Variants in DYRK1A observed in about 807,000 individuals in gnomAD.
DYRK1A encodes the protein dual specificity tyrosine-phosphorylation-regulated kinase 1A.
Under a neutral mutation model 79.7 loss-of-function variants are expected in DYRK1A, and 9 were observed. That is an observed-to-expected ratio of 0.11 (90% confidence interval 0.07 to 0.20). DYRK1A has a LOEUF of 0.20. DYRK1A is among the 10% of genes least tolerant of loss of function. The pLI is 1.00. For missense variants in DYRK1A, 622 were observed against 956.0 expected, an observed-to-expected ratio of 0.65 and a Z score of 4.61; for synonymous variants, 349 against 329.7, an observed-to-expected ratio of 1.06 and a Z score of -0.63.
chr21:37,495,160 G>T (rs1197566222), intron 8 of DYRK1A, among the ~76,000 whole-genome samples: 18 of 55,314 alleles, frequency 3.3e-4, no homozygotes, highest in African/African-American at 1.2e-3. Flanking sequence ...TTTTGTGTGT[G>T]TGTGTGTGTG....
intron 3 of DYRK1A, among the ~76,000 whole-genome samples, 171 bp downstream of exon 3, chr21:37,473,051 T>A (rs1329949392): frequency 6.6e-6 from 1 of 152,154 alleles, no homozygotes; most frequent in South Asian, 2.1e-4. Flanking sequence ...TTTTTTTTAA[T>A]TTTTACTTGT....
chr21:37,521,078 T>G lies in DYRK1A; in HGVS notation c.*8547T>G, dbSNP rs2053931907. 6.6e-6 allele frequency: 1 copy of G among 152,230 alleles called. No homozygotes were observed. The allele number at this position is 152,230 out of a possible 1,614,324, so 9.4% of individuals were successfully genotyped here. A position where few individuals can be genotyped will look rare whatever the true frequency, so the allele number is the denominator to read the frequency against. On this transcript the variant is annotated 3_prime_UTR_variant, in exon 12 of 12. Coordinates refer to ENST00000647188, the MANE Select transcript of DYRK1A (RefSeq NM_001347721.2). ...GACAGCTACTTAACATCTTCTGTAG[T>G]CTTGAAGAATTCAGATGAGGAGCTT...
intron 1 of DYRK1A, among the ~76,000 whole-genome samples, chr21:37,389,502 T>G (rs1056896853): frequency 1.3e-5 from 2 of 152,194 alleles, no homozygotes; most frequent in African/African-American, 2.4e-5. Context: ...GTTGAACTTA[T>G]GGATATATGG....
chr21:37,441,762 CTTAGAT>C (rs1369748334), intron 2 of DYRK1A, among the ~76,000 whole-genome samples: 5 of 152,040 alleles, frequency 3.3e-5, no homozygotes, highest in Non-Finnish European at 5.9e-5. Context: ...TGTTTAAACA[CTTAGAT>C]TTAAATAAGA....
At chr21:37,433,510 T>A (rs2050835980) in intron 2 of DYRK1A, among the ~76,000 whole-genome samples, 1 of 152,346 alleles carries the variant, frequency 6.6e-6, no homozygotes, top group East Asian at 1.9e-4. Flanking sequence ...GGCTTTAAAA[T>A]CTTTCCCTTT....
chr21:37,420,063 G>A, intron 1 of DYRK1A: 1 of 210,594 alleles, frequency 4.7e-6, no homozygotes, highest in East Asian at 9.7e-5. Flanking sequence ...GTGGTAATAG[G>A]CACATTTTGA....
At chr21:37,414,697 T>C (rs1045000491) in intron 1 of DYRK1A, among the ~76,000 whole-genome samples, 2 of 152,140 alleles carry the variant, frequency 1.3e-5, no homozygotes, top group Non-Finnish European at 2.9e-5. Context: ...TAGGGGTGCT[T>C]TCTAGTGTCT....
intron 1 of DYRK1A, among the ~76,000 whole-genome samples, chr21:37,418,387 A>G (rs1234974076): frequency 3.3e-5 from 5 of 152,212 alleles, no homozygotes; most frequent in Non-Finnish European, 5.9e-5. Context: ...TTAGATTTTT[A>G]AAATAGTAAT....
At chr21:37,497,424 T>A (rs2053305296) in intron 9 of DYRK1A, among the ~76,000 whole-genome samples, 1 of 152,164 alleles carries the variant, frequency 6.6e-6, no homozygotes, top group South Asian at 2.1e-4. Flanking sequence ...CGAGACCTCC[T>A]GGGCTCTTGT....
chr21:37,392,357 TTC>T (rs1449402525), intron 1 of DYRK1A, among the ~76,000 whole-genome samples: 3 of 152,224 alleles, frequency 2.0e-5, no homozygotes, highest in Admixed American at 6.5e-5. Context: ...GTTCCTTCCT[TTC>T]TTATTGTATT....
In DYRK1A at chr21:37,493,076, T is replaced by G. The variant is rs1333728722; in HGVS notation, c.984T>G (p.Pro328=). 1 of 1,587,986 alleles carries G rather than the reference T, an allele frequency of 6.3e-7. No individual in the cohort carries two copies. Among genetic ancestry groups the G allele is most frequent in the Non-Finnish European group, 8.6e-7 (1 of 1,163,144 alleles). ...CTCCAGAGGTGCTACTGGGAATGCCTTATGACCTTGCCATTGATATGTGGT... is the reference window on the plus strand; with the variant it reads ...CTCCAGAGGTGCTACTGGGAATGCCGTATGACCTTGCCATTGATATGTGGT... ...YRSPEVLLGM[P]YDLAIDMWSL... Residue 328 remains proline (P), a synonymous_variant, in exon 8 of 12, where the codon CCT becomes CCG. Coordinates refer to ENST00000647188, the MANE Select transcript of DYRK1A (RefSeq NM_001347721.2).
chr21:37,378,978 CAT>C (rs1275175612), intron 1 of DYRK1A, among the ~76,000 whole-genome samples: 5 of 151,882 alleles, frequency 3.3e-5, no homozygotes, highest in African/African-American at 4.8e-5. Flanking sequence ...TGGAGGAAGT[CAT>C]GTGGGCAATG....
At chr21:37,484,503 A>G (rs749208636) in intron 5 of DYRK1A, among the ~76,000 whole-genome samples, 3 of 151,694 alleles carry the variant, frequency 2.0e-5, no homozygotes, top group Non-Finnish European at 4.4e-5. Flanking sequence ...TAATTTTTAT[A>G]TTTTTAGTAG....
At chr21:37,391,912 A>C (rs916816091) in intron 1 of DYRK1A, among the ~76,000 whole-genome samples, 2 of 152,260 alleles carry the variant, frequency 1.3e-5, no homozygotes, top group Admixed American at 1.3e-4. Flanking sequence ...TGTTCAGTGC[A>C]TTAAACAAAC....
intron 1 of DYRK1A, among the ~76,000 whole-genome samples, chr21:37,416,590 T>C (rs2050346790): frequency 6.6e-6 from 1 of 152,148 alleles, no homozygotes; most frequent in Non-Finnish European, 1.5e-5. Context: ...AAAAGTACTT[T>C]CTTCTGTCAC....
chr21:37,495,078 A>G (rs1367941722), intron 8 of DYRK1A, among the ~76,000 whole-genome samples: 1 of 152,038 alleles, frequency 6.6e-6, no homozygotes, highest in Non-Finnish European at 1.5e-5. Flanking sequence ...TTCCTAGCAT[A>G]TAATAGGCAC....
intron 2 of DYRK1A, among the ~76,000 whole-genome samples, chr21:37,468,465 C>G (rs1013172839): frequency 6.6e-6 from 1 of 152,100 alleles, no homozygotes; most frequent in African/African-American, 2.4e-5. Flanking sequence ...ATTTTTAAAG[C>G]TATTGTAATT....
chr21:37,400,340 A>G (rs2148399570), intron 1 of DYRK1A, among the ~76,000 whole-genome samples: 1 of 152,302 alleles, frequency 6.6e-6, no homozygotes, highest in Middle Eastern at 3.4e-3. Flanking sequence ...CCCAAATCAT[A>G]AAACATTTAT....
At position 37,506,231 on chromosome 21, in the gene DYRK1A, C is replaced by T. The variant is rs779148340; in HGVS notation, c.1644+8C>T. 1.5e-5 allele frequency: 24 copies of T among 1,613,738 alleles called. No individual in the cohort carries two copies. Among genetic ancestry groups the T allele is most frequent in the East Asian group, 6.7e-5 (3 of 44,864 alleles). Reference sequence around the variant, plus strand: ...GAGACACACAGTCCCCAGGTGAGCTCGCACGTGGTTCATTTGCTTGTGTCA... The same window carrying T: ...GAGACACACAGTCCCCAGGTGAGCTTGCACGTGGTTCATTTGCTTGTGTCA... On this transcript the variant is annotated splice_region_variant and intron_variant, in intron 11 of 11. Coordinates refer to ENST00000647188, the MANE Select transcript of DYRK1A (RefSeq NM_001347721.2).
Sources: gnomAD v4.1 joint callset for allele counts (sites outside exome capture counted in the v4.1 genomes callset) on GRCh38, gnomAD v4.1.1 for gene constraint, MANE v1.5 for transcripts, NCBI Gene and HGNC (gene_info 2026-07-23, HGNC 2026-07-21) for gene names.